The following CDH13 variants were observed in gnomAD, a reference collection of about 807,000 sequenced individuals.
The protein encoded by CDH13 is cadherin-13.
A neutral mutation model predicts 63.8 loss-of-function variants in CDH13; 24 were observed. The ratio of observed to expected loss-of-function variants is 0.38; its 90% CI spans 0.27 to 0.53. CDH13 has a LOEUF of 0.53. Ranked by LOEUF, CDH13 falls within the 20% of genes least tolerant of loss-of-function variation. The pLI is 0.85. For synonymous variants in CDH13, 503 were observed against 355.3 expected (o/e 1.42, Z -4.67); for missense variants, 1,049 against 903.1 (o/e 1.16, Z -2.07).
At chr16:83,251,935 G>A (rs1332211596) in intron 5 of CDH13, among the ~76,000 whole-genome samples, 1 of 151,936 alleles carries the variant, frequency 6.6e-6, no homozygotes, top group Non-Finnish European at 1.5e-5. Flanking sequence ...TAGCCCCTGA[G>A]GGAGTGCCTC....
At chr16:83,218,357 C>A (rs1193497420) in intron 5 of CDH13, among the ~76,000 whole-genome samples, 1 of 152,176 alleles carries the variant, frequency 6.6e-6, no homozygotes, top group African/African-American at 2.4e-5. Flanking sequence ...GGGTGCTTTC[C>A]AGATGTCCAT....
At chr16:83,314,806 A>C (rs2090073020) in intron 5 of CDH13, among the ~76,000 whole-genome samples, 1 of 152,234 alleles carries the variant, frequency 6.6e-6, no homozygotes, top group South Asian at 2.1e-4. Context: ...GTGCAACTTC[A>C]TTCTAAGAGC....
At chr16:83,655,318 G>A (rs1912773486) in intron 8 of CDH13, 1 of 152,238 alleles carries the variant, frequency 6.6e-6, no homozygotes, top group Admixed American at 6.5e-5. Context: ...CACCTATGGA[G>A]TTAGCAGTGA....
intron 2 of CDH13, among the ~76,000 whole-genome samples, chr16:83,009,586 T>A (rs141877432): frequency 2.9e-4 from 44 of 152,312 alleles, no homozygotes; most frequent in African/African-American, 1.0e-3. Context: ...ACTCTTTACA[T>A]CTGAACCCAG....
chr16:83,080,852 AGTTTT>A (rs1267227308), intron 3 of CDH13, among the ~76,000 whole-genome samples: 5 of 108,154 alleles, frequency 4.6e-5, no homozygotes, highest in African/African-American at 1.8e-4. Context: ...GGCAAGATAG[AGTTTT>A]GTTTTGTTTT....
At chr16:83,735,377 C>T (rs1431906942) in intron 10 of CDH13, 2 of 152,194 alleles carry the variant, frequency 1.3e-5, no homozygotes, top group African/African-American at 2.4e-5. Context: ...CCCTTCTCTC[C>T]ATTGCGTTTT....
chr16:82,876,215 C>G (rs180766149), intron 2 of CDH13, among the ~76,000 whole-genome samples: 1 of 152,252 alleles, frequency 6.6e-6, no homozygotes, highest in Middle Eastern at 3.4e-3. Flanking sequence ...TCCTACAGGA[C>G]AAAAAACTGT....
chr16:83,636,440 C>T (rs1911272889), intron 8 of CDH13, among the ~76,000 whole-genome samples: 1 of 152,120 alleles, frequency 6.6e-6, no homozygotes, highest in African/African-American at 2.4e-5. Context: ...TGCTCCTTCC[C>T]TCCCCACTTT....
intron 2 of CDH13, among the ~76,000 whole-genome samples, chr16:82,929,608 C>A (rs938298084): frequency 7.3e-6 from 1 of 136,156 alleles, no homozygotes; most frequent in Admixed American, 8.3e-5. Context: ...GCAAACGTCA[C>A]GCCACTGCAC....
At chr16:82,643,636 T>A (rs1233445687) in intron 1 of CDH13, among the ~76,000 whole-genome samples, 1 of 152,218 alleles carries the variant, frequency 6.6e-6, no homozygotes, top group East Asian at 1.9e-4. Flanking sequence ...GTAAAGTGAA[T>A]TAAGAACCAT....
chr16:82,846,350 CTTA>C (rs1372336982), intron 1 of CDH13, among the ~76,000 whole-genome samples: 2 of 151,762 alleles, frequency 1.3e-5, no homozygotes, highest in East Asian at 3.9e-4. Context: ...TTAATGTATA[CTTA>C]TTATATAAGA....
At chr16:82,782,681 TCTTGACATCTTTGACCAAAAA>T (rs1196921225) in intron 1 of CDH13, among the ~76,000 whole-genome samples, 4 of 152,154 alleles carry the variant, frequency 2.6e-5, no homozygotes, top group Non-Finnish European at 5.9e-5. Flanking sequence ...TAATTATGCA[TCTTGACATCTTTGACCAAAAA>T]CAAAATGCCA....
At chr16:82,938,426 C>T (rs2042734385) in intron 2 of CDH13, among the ~76,000 whole-genome samples, 1 of 152,174 alleles carries the variant, frequency 6.6e-6, no homozygotes, top group Non-Finnish European at 1.5e-5. Flanking sequence ...TCTCTGCCAG[C>T]CTTAGATGAG....
chr16:83,560,589 C>T (rs955943578), intron 7 of CDH13, among the ~76,000 whole-genome samples: 1 of 152,154 alleles, frequency 6.6e-6, no homozygotes, highest in Non-Finnish European at 1.5e-5. Context: ...TCCTAAAGAC[C>T]TACTATTTAG....
At chr16:83,365,808 G>A (rs1325401164) in intron 6 of CDH13, among the ~76,000 whole-genome samples, 1 of 152,170 alleles carries the variant, frequency 6.6e-6, no homozygotes, top group African/African-American at 2.4e-5. Flanking sequence ...TCAACCTGCT[G>A]CTGGCTTGCA....
intron 2 of CDH13, among the ~76,000 whole-genome samples, chr16:82,941,549 C>T (rs1292027004): frequency 1.3e-5 from 2 of 152,172 alleles, no homozygotes; most frequent in East Asian, 1.9e-4. Flanking sequence ...TTACATAAAG[C>T]ATTGTGTGGA....
At chr16:83,137,006 G>C (rs2036318495) in intron 4 of CDH13, among the ~76,000 whole-genome samples, 1 of 152,214 alleles carries the variant, frequency 6.6e-6, no homozygotes, top group South Asian at 2.1e-4. Context: ...GAAGGAGTAG[G>C]GTTGACTTCA....
intron 6 of CDH13, among the ~76,000 whole-genome samples, chr16:83,419,873 C>A (rs1304135242): frequency 6.6e-6 from 1 of 151,566 alleles, no homozygotes; most frequent in African/African-American, 2.4e-5. Context: ...ACATTCAGCT[C>A]TACATAATAA....
At chr16:83,649,705 C>A (rs938866557) in intron 8 of CDH13, among the ~76,000 whole-genome samples, 4 of 152,032 alleles carry the variant, frequency 2.6e-5, no homozygotes, top group African/African-American at 9.7e-5. Context: ...CTGTGGGTTT[C>A]CAGGTTGGGG....
Sources: gnomAD v4.1 joint callset for allele counts (sites outside exome capture counted in the v4.1 genomes callset) on GRCh38, gnomAD v4.1.1 for gene constraint, MANE v1.5 for transcripts, NCBI Gene and HGNC (gene_info 2026-07-23, HGNC 2026-07-21) for gene names.